NUMA1: variants seen among roughly 807,000 people sequenced by gnomAD.
The protein encoded by NUMA1 is SP-H antigen.
Under a neutral mutation model 237.1 loss-of-function variants are expected in NUMA1, and 62 were observed. The ratio of observed to expected loss-of-function variants is 0.26; its 90% CI spans 0.21 to 0.32. NUMA1 has a LOEUF of 0.32. Among genes scored for constraint, NUMA1 ranks in the 10% least tolerant of loss-of-function variants. NUMA1 has a pLI of 1.00. For synonymous variants in NUMA1, 1,028 were observed against 1,066.1 expected (o/e 0.96, Z 0.70); for missense variants, 2,533 against 2,666.5 (o/e 0.95, Z 1.10).
At chr11:72,075,854 C>T (rs1943679754) in intron 1 of NUMA1, among the ~76,000 whole-genome samples, 1 of 152,114 alleles carries the variant, frequency 6.6e-6, no homozygotes, top group Non-Finnish European at 1.5e-5. Context: ...GGAGGATTAG[C>T]GAGCTGATGA....
At chr11:72,063,708 G>A (rs1943066912) in intron 2 of NUMA1, among the ~76,000 whole-genome samples, 1 of 151,172 alleles carries the variant, frequency 6.6e-6, no homozygotes. Flanking sequence ...CTTGAGCCCA[G>A]GAGTTCAAGA....
At chr11:72,062,066 G>T (rs1942973455) in intron 2 of NUMA1, among the ~76,000 whole-genome samples, 1 of 152,094 alleles carries the variant, frequency 6.6e-6, no homozygotes, top group African/African-American at 2.4e-5. Flanking sequence ...GGAAAGGAAG[G>T]CCAATTCTCC....
chr11:72,039,871 A>G (rs1548348), intron 2 of NUMA1: 140,913 of 152,026 alleles, frequency 0.93, 65,556 homozygotes, highest in Non-Finnish European at 0.98. Context: ...CTCCAACTCT[A>G]GGACGGATAG....
Position 72,013,917 on chromosome 11 carries a change from G to A in NUMA1, c.3586C>T (p.Arg1196Cys), listed in dbSNP as rs758336960. 2.0e-5 allele frequency: 32 copies of A among 1,613,864 alleles called. No homozygotes were observed. The highest frequency in any genetic ancestry group is 5.5e-5 in the South Asian group (5 of 91,092). Residue 1196 changes from arginine to cysteine, a missense_variant, in exon 15 of 27, where the codon CGC (arginine) becomes TGC (cysteine). Transcript: ENST00000393695. This position sits in a 1 kb window ranked among gnomAD's most constrained non-coding sequence, Gnocchi z 6.8. ...TTGCTGTGGTCTTGTACCTTGGTGC[G>A]GAAGGCAGCCAACTCCCGTTGGGCC... ...ASAQRELAAFRTKVQDHSKAE... is the reference protein window; with the variant it reads ...ASAQRELAAFCTKVQDHSKAE...
Position 72,077,386 on chromosome 11 carries a change from C to T in NUMA1, c.-103+3072G>A, listed in dbSNP as rs115869921. ...CAAACAGAAAGAAAGACAGGTTACC[C>T]ACAATAAAATAAGTTAATTTGCAAG... On this transcript the variant is annotated intron_variant, in intron 1 of 26. Transcript: ENST00000393695. Among the ~76,000 whole-genome samples the T allele has an allele frequency of 1.7e-3, 263 of 152,144 alleles. 1 individual carries two copies. The highest frequency in any genetic ancestry group is 6.1e-3 in the African/African-American group (254 of 41,490).
At chr11:72,017,643 C>T (rs1419335769) in intron 13 of NUMA1, 44 bp downstream of exon 13, 1 of 1,609,842 alleles carries the variant, frequency 6.2e-7, no homozygotes, top group Middle Eastern at 1.7e-4. Context: ...CTCAGCTTTG[C>T]ACATGTGGTC....
At position 72,004,642 on chromosome 11, in the gene NUMA1, C is replaced by G; in HGVS notation, c.6004G>C (p.Glu2002Gln). The change falls in exon 24 of 27, where the codon GAG becomes CAG. Residue 2002 changes from glutamate to glutamine, a missense_variant and splice_region_variant. By Grantham distance (29) the Glu-to-Gln change is conservative. This residue lies in a region of NUMA1 where 795 missense variants were observed against 750.8 expected (regional missense o/e 1.06). Coordinates refer to ENST00000393695, the MANE Select transcript of NUMA1 (RefSeq NM_006185.4). ...CACCCAGGAGCCACCGCGCCTACCT[C>G]AGGAGTTCCAGGGCCCTGGTGGGGC... ...LEPHQGPGTPESKKATSCFPR... is the reference protein window; with the variant it reads ...LEPHQGPGTPQSKKATSCFPR... 1 of 1,612,254 alleles carries G rather than the reference C, an allele frequency of 6.2e-7. No homozygotes were observed. Among genetic ancestry groups the G allele is most frequent in the Non-Finnish European group, 8.5e-7 (1 of 1,179,822 alleles).
chr11:72,011,700 A>G (rs573569387), intron 16 of NUMA1, among the ~76,000 whole-genome samples: 1 of 152,170 alleles, frequency 6.6e-6, no homozygotes, highest in South Asian at 2.1e-4. Flanking sequence ...TATAGCCTCG[A>G]TGTCTCAGAA....
rs760722340 is a variant in NUMA1, at chr11:72,009,203, G to T, written c.4840-18C>A. The T allele has an allele frequency of 1.9e-5, 10 of 521,334 alleles. No individual in the cohort carries two copies. Among genetic ancestry groups the T allele is most frequent in the African/African-American group, 2.0e-5 (1 of 49,512 alleles). 32.3% of individuals were successfully genotyped at this position (521,334 alleles called of 1,614,324 possible). A position where few individuals can be genotyped will look rare whatever the true frequency, so the allele number is the denominator to read the frequency against. On this transcript the variant is annotated intron_variant, in intron 18 of 26. Coordinates refer to ENST00000393695, the MANE Select transcript of NUMA1 (RefSeq NM_006185.4). ...TTCTCCATCTGTGGGCAGAGAGGGTGGGTGGGTGGGGTAGAGGTTGAAGGG... is the reference window on the plus strand; with the variant it reads ...TTCTCCATCTGTGGGCAGAGAGGGTTGGTGGGTGGGGTAGAGGTTGAAGGG...
At position 72,007,209 on chromosome 11, in the gene NUMA1, T is replaced by C. The variant is rs781435189; in HGVS notation, c.5443A>G (p.Ile1815Val). ...CTGACCTTGGTCATGGTGATGTTGATGATCTGCGTGGTGCGCCGACGAGCG... is the reference window on the plus strand; with the variant it reads ...CTGACCTTGGTCATGGTGATGTTGACGATCTGCGTGGTGCGCCGACGAGCG... ...RSARRRTTQI[I>V]NITMTKKLDV... Residue 1815 changes from isoleucine (I) to valine (V), a missense_variant, in exon 21 of 27, where the codon ATC becomes GTC. Around this residue, in one of 3 missense-constraint regions of NUMA1, gnomAD observed 795 missense variants for 750.8 expected, o/e 1.06. Coordinates refer to ENST00000393695, the MANE Select transcript of NUMA1 (RefSeq NM_006185.4). 1 of 1,610,500 alleles carries C rather than the reference T, an allele frequency of 6.2e-7. No individual in the cohort carries two copies. Among genetic ancestry groups the C allele is most frequent in the East Asian group, 2.2e-5 (1 of 44,866 alleles).
intron 8 of NUMA1, chr11:72,020,776 G>C (rs149130516): frequency 0.02 from 3,151 of 153,830 alleles, 36 homozygotes; most frequent in Middle Eastern, 0.066. Flanking sequence ...GGGAGGCTAA[G>C]CAGGAGAATT....
At chr11:72,065,152 T>C (rs1478753454) in intron 2 of NUMA1, 3 of 152,196 alleles carry the variant, frequency 2.0e-5, no homozygotes, top group East Asian at 3.8e-4. Context: ...AATCTATTTG[T>C]AGATATGTAT....
Position 72,014,864 on chromosome 11 carries a change from T to C in NUMA1, c.2639A>G (p.Asn880Ser), listed in dbSNP as rs780678823. Residue 880 changes from asparagine (N) to serine (S), a missense_variant, in exon 15 of 27, where the codon AAC becomes AGC. By Grantham distance (46) the Asn-to-Ser change is conservative. This residue lies in a region of NUMA1 where 1,414 missense variants were observed against 1,508.1 expected (regional missense o/e 0.94). Transcript: ENST00000393695. The surrounding 1 kb of genome is among the most constrained non-coding windows in gnomAD (Gnocchi z 4.6). ...QQNELAELHA[N>S]LARALQQVQE... ...GACCTGCTGGAGTGCTCTGGCCAGG[T>C]TGGCATGGAGCTCAGCTAGTTCGTT... The C allele has an allele frequency of 2.5e-5, 40 of 1,614,118 alleles. 1 individual carries two copies. Among genetic ancestry groups the C allele is most frequent in the South Asian group, 1.6e-4 (15 of 91,088 alleles).
chr11:72,031,264 C>T (rs374100096), intron 3 of NUMA1, among the ~76,000 whole-genome samples: 1 of 151,208 alleles, frequency 6.6e-6, no homozygotes, highest in Admixed American at 6.6e-5. Flanking sequence ...GATAGTGTCC[C>T]TGCACTGTGG....
intron 1 of NUMA1, among the ~76,000 whole-genome samples, chr11:72,073,501 T>G (rs1363818085): frequency 6.6e-6 from 1 of 152,148 alleles, no homozygotes; most frequent in Admixed American, 6.5e-5. Context: ...AGAACACCAA[T>G]GACCATGGCA....
chr11:72,031,323 A>G (rs1940280976), intron 3 of NUMA1, among the ~76,000 whole-genome samples: 1 of 152,136 alleles, frequency 6.6e-6, no homozygotes, highest in Non-Finnish European at 1.5e-5. Context: ...AGAAAAACTA[A>G]TAAACATAAA....
chr11:72,045,842 A>G (rs1941962948), intron 2 of NUMA1, among the ~76,000 whole-genome samples: 1 of 152,206 alleles, frequency 6.6e-6, no homozygotes, highest in Non-Finnish European at 1.5e-5. Flanking sequence ...TGAAAATAGG[A>G]GGGAGGCCTG....
intron 1 of NUMA1, among the ~76,000 whole-genome samples, chr11:72,073,054 A>T (rs372389425): frequency 6.8e-6 from 1 of 146,862 alleles, no homozygotes; most frequent in Non-Finnish European, 1.5e-5. Flanking sequence ...GTCTCAAAAA[A>T]AAAAAAAAAA....
intron 13 of NUMA1, 118 bp downstream of exon 13, chr11:72,017,569 T>C (rs764318388): frequency 3.0e-5 from 37 of 1,231,560 alleles, no homozygotes; most frequent in Non-Finnish European, 4.1e-5. Flanking sequence ...CAGCACACTA[T>C]TGAACCTTGA....
Sources: allele counts gnomAD v4.1 joint callset (sites outside exome capture counted in the v4.1 genomes callset), GRCh38; gene constraint gnomAD v4.1.1; regional missense constraint gnomAD v4.1.1; non-coding constraint Gnocchi (gnomAD v3.1); transcripts MANE v1.5; gene names NCBI Gene and HGNC (gene_info 2026-07-23, HGNC 2026-07-21).